The following ZNF407 variants were observed in gnomAD, a reference collection of about 807,000 sequenced individuals.
ZNF407 encodes the protein zinc finger protein 407.
In ZNF407, 17 loss-of-function variants were observed where a neutral mutation model predicts 131.2. The ratio of observed to expected loss-of-function variants is 0.13; its 90% confidence interval spans 0.09 to 0.19. ZNF407 has a LOEUF of 0.19. Ranked by LOEUF, ZNF407 falls within the 10% of genes least tolerant of loss-of-function variation. ZNF407 has a pLI of 1.00. For synonymous variants in ZNF407, 1,156 were observed against 1,062.0 expected (o/e 1.09, Z -1.72); for missense variants, 2,681 against 2,830.6 (o/e 0.95, Z 1.20).
intron 4 of ZNF407, among the ~76,000 whole-genome samples, chr18:74,831,925 C>T (rs1472754146): frequency 1.3e-5 from 2 of 152,218 alleles, no homozygotes; most frequent in Admixed American, 6.5e-5. Flanking sequence ...TTGCCACCTG[C>T]CCTGATCCTG....
intron 3 of ZNF407, among the ~76,000 whole-genome samples, chr18:74,672,410 T>C (rs1363794484): frequency 6.6e-6 from 1 of 152,136 alleles, no homozygotes; most frequent in Non-Finnish European, 1.5e-5. Flanking sequence ...TGTTTGTTTG[T>C]TGGAGCACTG....
At chr18:74,640,538 A>G (rs1984665801) in intron 2 of ZNF407, among the ~76,000 whole-genome samples, 1 of 152,192 alleles carries the variant, frequency 6.6e-6, no homozygotes, top group South Asian at 2.1e-4. Context: ...TAATGTGAGT[A>G]AATTCAAAGC....
At position 74,760,594 on chromosome 18, in the gene ZNF407, C is replaced by T. The variant is rs555813796; in HGVS notation, c.4803-20834C>T. 2.0e-5 allele frequency among the ~76,000 whole-genome samples: 3 copies of T among 152,168 alleles called. No individual in the cohort carries two copies. In the South Asian group the frequency reaches 6.2e-4, roughly 32 times the overall value. ...TTTTTTCCATTGCTACTGACAGTTG[C>T]CCTGAGGATGGGGGTTATTCACACA... On this transcript the variant is annotated intron_variant, in intron 3 of 8. Transcript: ENST00000299687.
intron 4 of ZNF407, chr18:74,803,990 G>T: frequency 6.4e-7 from 1 of 1,551,762 alleles, no homozygotes; most frequent in Non-Finnish European, 8.7e-7. Context: ...CGAAAGATCG[G>T]GACGTTGCCA....
intron 8 of ZNF407, among the ~76,000 whole-genome samples, chr18:74,955,867 G>C (rs952664571): frequency 3.9e-5 from 6 of 152,164 alleles, no homozygotes; most frequent in African/African-American, 1.4e-4. Context: ...ACGTGTTCCT[G>C]TCTGTCTGTG....
intron 3 of ZNF407, among the ~76,000 whole-genome samples, chr18:74,700,913 A>AT (rs1245217162): frequency 6.6e-6 from 1 of 152,106 alleles, no homozygotes; most frequent in Non-Finnish European, 1.5e-5. Flanking sequence ...TCTGGACTGA[A>AT]TTGTGTCCCT....
In ZNF407 at chr18:74,631,103, C is replaced by T. The variant is rs1412793908; in HGVS notation, c.84C>T (p.Ser28=). 7.4e-6 allele frequency: 12 copies of T among 1,613,776 alleles called. No individual in the cohort carries two copies. Among genetic ancestry groups the T allele is most frequent in the Non-Finnish European group, 1.0e-5 (12 of 1,179,854 alleles). ...KEAQDLTKLS[S]HNEDGGPVSD... is the part of the protein sequence containing the mutation. The stretch of plus-strand genomic sequence containing the variant: ...CACAAGACTTGACAAAGCTTTCATC[C>T]CATAATGAAGACGGTGGGCCTGTAT... The change falls in exon 2 of 9, where the codon TCC becomes TCT. Residue 28 remains serine (S), a synonymous_variant. Transcript: ENST00000299687.
chr18:74,809,803 A>G (rs181508572), intron 4 of ZNF407, among the ~76,000 whole-genome samples: 1 of 152,330 alleles, frequency 6.6e-6, no homozygotes. Context: ...AGGTCGTAGC[A>G]TGGAGAAGGA....
intron 4 of ZNF407, among the ~76,000 whole-genome samples, chr18:74,832,756 G>A (rs1225998811): frequency 1.3e-5 from 2 of 151,992 alleles, no homozygotes; most frequent in African/African-American, 4.8e-5. Context: ...ATAGTTGAGT[G>A]GATTGTCTTT....
chr18:74,633,878 C>G lies in ZNF407; in HGVS notation c.2859C>G (p.Pro953=), dbSNP rs376138128. 2 of 1,613,878 alleles carry G rather than the reference C, an allele frequency of 1.2e-6. No individual in the cohort carries two copies. Among genetic ancestry groups the G allele is most frequent in the Non-Finnish European group, 8.5e-7 (1 of 1,179,894 alleles). Residue 953 remains proline, a synonymous_variant, in exon 2 of 9, where the codon CCC becomes CCG. Transcript: ENST00000299687. ...ATGCTAACAAACCAGCTGAGTCACC[C>G]ACCTCCGTTTTAGAGAAGCCAGATC... ...DEHANKPAES[P]TSVLEKPDRG... is the part of the protein sequence containing the mutation.
At chr18:74,667,369 T>C (rs1405403134) in intron 3 of ZNF407, among the ~76,000 whole-genome samples, 1 of 152,226 alleles carries the variant, frequency 6.6e-6, no homozygotes, top group Non-Finnish European at 1.5e-5. Flanking sequence ...CAGTTTCCAA[T>C]AGTACATACA....
At chr18:74,995,379 C>T (rs1173834706) in intron 8 of ZNF407, among the ~76,000 whole-genome samples, 4 of 151,970 alleles carry the variant, frequency 2.6e-5, no homozygotes, top group African/African-American at 4.8e-5. Flanking sequence ...CTGCAGTAAC[C>T]GAGCTGAGGG....
chr18:74,911,774 T>C (rs1971675784), intron 7 of ZNF407, among the ~76,000 whole-genome samples: 1 of 152,184 alleles, frequency 6.6e-6, no homozygotes, highest in Admixed American at 6.5e-5. Context: ...TAGTGAGCGA[T>C]CACTCCATGC....
In ZNF407 at chr18:74,884,158, T is replaced by A. The variant is rs537332540; in HGVS notation, c.5128+3039T>A. ...ATCTTTTCATATAATGTATGTCATC[T>A]TCAAACCATTAGCAAATATTTAGCA... On this transcript the variant is annotated intron_variant, in intron 6 of 8. Transcript: ENST00000299687. Among the ~76,000 whole-genome samples the A allele has an allele frequency of 5.3e-5, 8 of 152,364 alleles. 1 individual carries two copies. The highest frequency in any genetic ancestry group is 1.9e-4 in the African/African-American group (8 of 41,584).
chr18:74,716,092 T>G (rs1264487659), intron 3 of ZNF407, among the ~76,000 whole-genome samples: 1 of 152,246 alleles, frequency 6.6e-6, no homozygotes, highest in African/African-American at 2.4e-5. Context: ...AGTACTGAAG[T>G]GCAAACATAG....
chr18:74,837,847 T>C (rs1423847669), intron 4 of ZNF407, among the ~76,000 whole-genome samples: 1 of 152,036 alleles, frequency 6.6e-6, no homozygotes, highest in Non-Finnish European at 1.5e-5. Flanking sequence ...AGGGATGAAA[T>C]TTCACCATGT....
intron 4 of ZNF407, among the ~76,000 whole-genome samples, chr18:74,809,534 C>A (rs914986342): frequency 6.6e-6 from 1 of 152,042 alleles, no homozygotes; most frequent in East Asian, 1.9e-4. Flanking sequence ...CACTTTGGAG[C>A]AAGGTAGATG....
intron 1 of ZNF407, among the ~76,000 whole-genome samples, chr18:74,626,481 G>T (rs1983791341): frequency 6.6e-6 from 1 of 152,196 alleles, no homozygotes; most frequent in Admixed American, 6.5e-5. Flanking sequence ...TTGTATTGAG[G>T]TCACTGGTGT....
chr18:74,846,887 G>A (rs1041026077), intron 4 of ZNF407, among the ~76,000 whole-genome samples: 3 of 151,684 alleles, frequency 2.0e-5, no homozygotes, highest in Non-Finnish European at 4.4e-5. Context: ...CCAGCTACTC[G>A]GGAGGCTGAG....
Sources: allele counts gnomAD v4.1 joint callset (sites outside exome capture counted in the v4.1 genomes callset), GRCh38; gene constraint gnomAD v4.1.1; transcripts MANE v1.5; gene names NCBI Gene and HGNC (gene_info 2026-07-23, HGNC 2026-07-21).